The following RBM5 variants were observed in gnomAD, a reference collection of about 807,000 sequenced individuals.
RBM5 encodes the protein RNA-binding protein 5.
RBM5 carries 15 observed loss-of-function variants against 124.6 expected under a neutral mutation model. That is an observed-to-expected ratio of 0.12 (90% CI 0.08 to 0.19). The LOEUF (loss-of-function observed/expected upper bound fraction) is 0.19, where lower values mean the gene tolerates loss of function less well. Ranked by LOEUF, RBM5 falls within the 10% of genes least tolerant of loss-of-function variation. RBM5 has a pLI of 1.00. For synonymous variants in RBM5, 337 were observed against 361.2 expected (o/e 0.93, Z 0.76); for missense variants, 580 against 1,026.5 (o/e 0.57, Z 5.94).
rs1486179248 is a variant in RBM5, at chr3:50,100,199, C to G, written c.409+148C>G. 2 of 760,090 alleles carry G rather than the reference C, an allele frequency of 2.6e-6. No homozygotes were observed. The highest frequency in any genetic ancestry group is 2.1e-6 in the Non-Finnish European group (1 of 482,710). The allele number at this position is 760,090 out of a possible 1,614,324, so 47.1% of individuals were successfully genotyped here. On this transcript the variant is annotated intron_variant, in intron 5 of 24. Transcript: ENST00000347869. This position sits in a 1 kb window ranked among gnomAD's most constrained non-coding sequence, Gnocchi z 5.1. ...GCTAAGGAATGTGACTCTTTGAAAA[C>G]CATGTTAGCATCTGAGGAACTTTTT...
At chr3:50,108,729 A>G (rs973617509) in intron 14 of RBM5, among the ~76,000 whole-genome samples, 9 of 152,260 alleles carry the variant, frequency 5.9e-5, no homozygotes, top group Non-Finnish European at 1.3e-4. Context: ...AAAAGAATGT[A>G]GGGGGCATAT....
At chr3:50,099,874 TA>T (rs148796424) in intron 4 of RBM5, 107 bp from the exon 5 acceptor site, 98,905 of 782,528 alleles carry the variant, frequency 0.13, 692 homozygotes, top group Non-Finnish European at 0.13. Context: ...ACTCCCATCT[TA>T]AAAAAAAAAA....
Position 50,117,404 on chromosome 3 carries a change from T to A in RBM5, c.2322+25T>A, listed in dbSNP as rs761965952. 6.2e-7 allele frequency: 1 copy of A among 1,612,198 alleles called. No homozygotes were observed. The highest frequency in any genetic ancestry group is 1.7e-5 in the Admixed American group (1 of 59,996). On this transcript the variant is annotated intron_variant, in intron 24 of 24. Coordinates refer to ENST00000347869, the MANE Select transcript of RBM5 (RefSeq NM_005778.4). This position sits in a 1 kb window ranked among gnomAD's most constrained non-coding sequence, Gnocchi z 4.2. ...GGTAAGCAGTGGGGTCAGGTCTTGA[T>A]GTTTGCCAGGCTTACAGGCCGGTTC...
At position 50,105,070 on chromosome 3, in the gene RBM5, C is replaced by T. The variant is rs2091004226; in HGVS notation, c.629-7C>T. 6.4e-7 allele frequency: 1 copy of T among 1,567,512 alleles called. No homozygotes were observed. Among genetic ancestry groups the T allele is most frequent in the South Asian group, 1.1e-5 (1 of 89,674 alleles). ...TTTGTCTCTAATTGGATCACTTTCC[C>T]TTCTAGACTCTGAACAGGAAGTGCC... On this transcript the variant is annotated splice_polypyrimidine_tract_variant and splice_region_variant and intron_variant, in intron 8 of 24. Coordinates refer to ENST00000347869, the MANE Select transcript of RBM5 (RefSeq NM_005778.4).
chr3:50,090,159 T>A (rs765203868), intron 1 of RBM5: 2 of 338,640 alleles, frequency 5.9e-6, no homozygotes, highest in Non-Finnish European at 1.1e-5. Flanking sequence ...TGGAATCTAA[T>A]ATTTTAAAAT....
intron 12 of RBM5, 39 bp downstream of exon 12, chr3:50,107,608 G>C: frequency 6.8e-7 from 1 of 1,461,184 alleles, no homozygotes; most frequent in East Asian, 2.3e-5. Context: ...TAGTGTGGTG[G>C]TGGTGCCCAG....
intron 10 of RBM5, 24 bp downstream of exon 10, chr3:50,105,733 C>T: frequency 6.2e-7 from 1 of 1,609,544 alleles, no homozygotes; most frequent in South Asian, 1.1e-5. Flanking sequence ...CGATTCTTTC[C>T]TTTTTAAAAG....
chr3:50,108,706 CAGAA>C (rs1469250263), intron 14 of RBM5, among the ~76,000 whole-genome samples: 3 of 149,724 alleles, frequency 2.0e-5, no homozygotes, highest in East Asian at 2.0e-4. Context: ...GATTCTGTCT[CAGAA>C]AGAAAAAAAA....
At position 50,105,694 on chromosome 3, in the gene RBM5, G is replaced by A. The variant is rs117321322; in HGVS notation, c.840G>A (p.Gln280=). ...TQQNRGFAFV[Q]LSSAMDASQL... is the part of the protein sequence containing the mutation. ...AGAACAGAGGCTTCGCATTTGTGCA[G>A]CTGTCCTCTGCAATGGTGAGGTTCT... The change falls in exon 10 of 25, where the codon CAG becomes CAA. Residue 280 remains glutamine (Q), a synonymous_variant. Transcript: ENST00000347869. 1.4e-3 allele frequency: 2,257 copies of A among 1,614,120 alleles called. 72 individuals carry two copies. In the East Asian group the frequency reaches 0.047, roughly 33 times the overall value.
intron 4 of RBM5, among the ~76,000 whole-genome samples, chr3:50,096,600 A>G (rs1360295304): frequency 6.6e-6 from 1 of 151,816 alleles, no homozygotes; most frequent in Non-Finnish European, 1.5e-5. Flanking sequence ...TTCTATTTTT[A>G]TTTTTGTGAG....
chr3:50,100,711 T>TA lies in RBM5; in HGVS notation c.483+115dup, dbSNP rs199566172. The TA allele has an allele frequency of 3.8e-3, 3,239 of 845,604 alleles. 24 individuals are homozygous for TA. The highest frequency in any genetic ancestry group is 0.025 in the African/African-American group (1,436 of 57,944). The allele number at this position is 845,604 out of a possible 1,614,324, so 52.4% of individuals were successfully genotyped here. A position where few individuals can be genotyped will look rare whatever the true frequency, so the allele number is the denominator to read the frequency against. ...TTGTTCCAAAGGAGTGACTTTTTTT[T>TA]AAAAAAAAAGCTTTGTATATATTAA... On this transcript the variant is annotated intron_variant, in intron 6 of 24. Coordinates refer to ENST00000347869, the MANE Select transcript of RBM5 (RefSeq NM_005778.4). The surrounding 1 kb of genome is among the most constrained non-coding windows in gnomAD (Gnocchi z 5.1).
chr3:50,104,684 CTG>C (rs1215541578), intron 8 of RBM5: 2 of 264,418 alleles, frequency 7.6e-6, no homozygotes, highest in African/African-American at 4.4e-5. Flanking sequence ...GGGTTGTTAA[CTG>C]TGAGCCTGAG....
At chr3:50,091,932 C>T (rs1181618421) in intron 2 of RBM5, 111 bp from the exon 3 acceptor site, 1 of 1,032,588 alleles carries the variant, frequency 9.7e-7, no homozygotes, top group African/African-American at 4.0e-5. Context: ...ACACTTTAAA[C>T]TATTTGGATT....
At chr3:50,109,984 G>A (rs551018036) in intron 15 of RBM5, among the ~76,000 whole-genome samples, 81 of 152,114 alleles carry the variant, frequency 5.3e-4, no homozygotes, top group African/African-American at 1.8e-3. Context: ...AGGCCGAGGC[G>A]GGTGGATCAC....
intron 4 of RBM5, among the ~76,000 whole-genome samples, chr3:50,094,847 T>G (rs1477650943): frequency 6.6e-6 from 1 of 152,212 alleles, no homozygotes; most frequent in Non-Finnish European, 1.5e-5. Flanking sequence ...CTATCTCAGC[T>G]AGTGAAATAT....
intron 18 of RBM5, 108 bp downstream of exon 18, chr3:50,113,652 C>T (rs934155981): frequency 1.4e-5 from 18 of 1,262,326 alleles, no homozygotes; most frequent in Middle Eastern, 2.6e-4. Flanking sequence ...AATTGGGCTT[C>T]ACATTTTATT....
chr3:50,113,909 G>A, intron 18 of RBM5, 41 bp from the exon 19 acceptor site: 1 of 1,602,786 alleles, frequency 6.2e-7, no homozygotes, highest in Non-Finnish European at 8.5e-7. Context: ...TGGCACAGGG[G>A]ATTAAATATT....
In RBM5 at chr3:50,118,480, C is replaced by CA. The variant is rs763438819; in HGVS notation, c.*26dup. ...GAGAGAGAGAGAGAGAGAGAGATGACAAGGAGCACAAGAAGTGGTCCATCT... is the reference window on the plus strand; with the variant it reads ...GAGAGAGAGAGAGAGAGAGAGATGACAAAGGAGCACAAGAAGTGGTCCATCT... On this transcript the variant is annotated 3_prime_UTR_variant, in exon 25 of 25. Coordinates refer to ENST00000347869, the MANE Select transcript of RBM5 (RefSeq NM_005778.4). 1 of 1,605,582 alleles carries CA rather than the reference C, an allele frequency of 6.2e-7. No homozygotes were observed. The highest frequency in any genetic ancestry group is 8.5e-7 in the Non-Finnish European group (1 of 1,175,170).
intron 3 of RBM5, chr3:50,092,790 T>C: frequency 2.3e-6 from 1 of 444,400 alleles, no homozygotes; most frequent in Non-Finnish European, 4.5e-6. Flanking sequence ...GGCTCACACC[T>C]GTAATCCCAA....
Sources: gnomAD v4.1 joint callset for allele counts (sites outside exome capture counted in the v4.1 genomes callset) on GRCh38, gnomAD v4.1.1 for gene constraint, Gnocchi (gnomAD v3.1) non-coding constraint, MANE v1.5 for transcripts, NCBI Gene and HGNC (gene_info 2026-07-23, HGNC 2026-07-21) for gene names.